TMEM108: variants seen among roughly 807,000 people sequenced by gnomAD.
The protein encoded by TMEM108 is transmembrane protein 108, also known as cancer/testis antigen 124.
Under a neutral mutation model 35.1 loss-of-function variants are expected in TMEM108, and 12 were observed. The ratio of observed to expected loss-of-function variants is 0.34; its 90% CI spans 0.22 to 0.55. The LOEUF is 0.55. TMEM108 is among the 20% of genes least tolerant of loss of function. The probability of loss-of-function intolerance (pLI) is 0.89; values close to 1 mark genes in which losing one functional copy is unlikely to be tolerated. For synonymous variants in TMEM108, 287 were observed against 308.6 expected (o/e 0.93, Z 0.73); for missense variants, 680 against 753.3 (o/e 0.90, Z 1.14).
At chr3:133,213,482 T>C (rs1324255773) in intron 2 of TMEM108, among the ~76,000 whole-genome samples, 2 of 152,194 alleles carry the variant, frequency 1.3e-5, no homozygotes, top group South Asian at 4.1e-4. Flanking sequence ...TTATTGTGGG[T>C]TGATCAGGAG....
chr3:133,096,531 GCTTT>G (rs1386930621), intron 2 of TMEM108, among the ~76,000 whole-genome samples: 2 of 152,122 alleles, frequency 1.3e-5, no homozygotes, highest in Admixed American at 6.5e-5. Flanking sequence ...ATCAGCACAG[GCTTT>G]CTTGTCTCTT....
At chr3:133,340,336 A>C (rs2071623020) in intron 3 of TMEM108, among the ~76,000 whole-genome samples, 1 of 151,876 alleles carries the variant, frequency 6.6e-6, no homozygotes, top group African/African-American at 2.4e-5. Flanking sequence ...AAAATCTAGA[A>C]GAAATAGACA....
intron 2 of TMEM108, among the ~76,000 whole-genome samples, chr3:133,073,510 C>CTCTCTCTCTATATATA: frequency 3.3e-3 from 144 of 43,868 alleles, no homozygotes; most frequent in Admixed American, 7.0e-3. Context: ...CTCTCTCTCT[C>CTCTCTCTCTATATATA]TATATATATA....
intron 3 of TMEM108, among the ~76,000 whole-genome samples, chr3:133,302,570 C>T (rs560022191): frequency 3.1e-4 from 47 of 151,660 alleles, no homozygotes; most frequent in East Asian, 1.9e-3. Flanking sequence ...TACAGGCACC[C>T]GCCACCATGC....
intron 3 of TMEM108, among the ~76,000 whole-genome samples, chr3:133,269,127 C>T (rs1002106736): frequency 1.3e-5 from 2 of 152,184 alleles, no homozygotes; most frequent in African/African-American, 4.8e-5. Context: ...GTTTTTCCCC[C>T]TCCATTCTTC....
chr3:133,306,903 G>C (rs1268536263), intron 3 of TMEM108, among the ~76,000 whole-genome samples: 1 of 151,904 alleles, frequency 6.6e-6, no homozygotes, highest in Non-Finnish European at 1.5e-5. Context: ...GAAATCGCTG[G>C]GTCAAATGGT....
chr3:133,076,248 G>A (rs1943741429), intron 2 of TMEM108, among the ~76,000 whole-genome samples: 2 of 150,648 alleles, frequency 1.3e-5, no homozygotes, highest in Non-Finnish European at 2.9e-5. Context: ...AAAGTAGGTC[G>A]TGACCCTAAT....
intron 2 of TMEM108, among the ~76,000 whole-genome samples, chr3:133,166,534 T>G (rs1945040570): frequency 6.6e-6 from 1 of 152,196 alleles, no homozygotes; most frequent in Non-Finnish European, 1.5e-5. Context: ...AGTTTCTTCC[T>G]TCTGGTGGGT....
At chr3:133,381,979 A>G (rs1033769172) in intron 4 of TMEM108, among the ~76,000 whole-genome samples, 3 of 152,168 alleles carry the variant, frequency 2.0e-5, no homozygotes, top group African/African-American at 7.2e-5. Flanking sequence ...CACTCTGTGA[A>G]TGAGGAGTCA....
intron 3 of TMEM108, among the ~76,000 whole-genome samples, chr3:133,297,034 G>T (rs1228313728): frequency 1.3e-5 from 2 of 152,192 alleles, no homozygotes; most frequent in Non-Finnish European, 2.9e-5. Flanking sequence ...TAAATTCTCA[G>T]ATCCTCTTGG....
rs56983894 is a variant in TMEM108 at position 133,057,435 on chromosome 3, G to GTATATATA, written c.-47+11459_-47+11466dup. Among the ~76,000 whole-genome samples, 43 of 45,704 alleles carry GTATATATA rather than the reference G, an allele frequency of 9.4e-4. 1 individual carries two copies. Among genetic ancestry groups the GTATATATA allele is most frequent in the African/African-American group, 1.3e-3 (19 of 14,230 alleles). The allele number at this position is 45,704 out of a possible 152,430, so 30.0% of individuals were successfully genotyped here. Reference sequence around the variant, plus strand: ...TGGGCTATTAGTTGTGTGTGTGTGTGTATATATATATATATATATATATAT... The same window carrying GTATATATA: ...TGGGCTATTAGTTGTGTGTGTGTGTGTATATATATATATATATATATATATATATATAT... On this transcript the variant is annotated intron_variant, in intron 2 of 5. Transcript: ENST00000321871.
intron 3 of TMEM108, among the ~76,000 whole-genome samples, chr3:133,323,273 A>T (rs1157914804): frequency 6.6e-6 from 1 of 152,132 alleles, no homozygotes; most frequent in African/African-American, 2.4e-5. Flanking sequence ...GATTCATCCA[A>T]AAACCCTGAA....
chr3:133,309,761 C>T (rs1255763027), intron 3 of TMEM108, among the ~76,000 whole-genome samples: 4 of 120,544 alleles, frequency 3.3e-5, no homozygotes, highest in Admixed American at 2.2e-4. Flanking sequence ...AGTGCAGTGG[C>T]GGGATCTCGG....
intron 2 of TMEM108, among the ~76,000 whole-genome samples, chr3:133,066,108 T>C (rs1197767294): frequency 6.6e-6 from 1 of 152,168 alleles, no homozygotes; most frequent in Non-Finnish European, 1.5e-5. Flanking sequence ...CATTCCTTAT[T>C]AGATTCCCAT....
chr3:133,271,211 G>A (rs1285330997), intron 3 of TMEM108, among the ~76,000 whole-genome samples: 8 of 152,180 alleles, frequency 5.3e-5, no homozygotes, highest in African/African-American at 1.9e-4. Context: ...CTCACTGGTT[G>A]AGAGAGGAGG....
intron 3 of TMEM108, among the ~76,000 whole-genome samples, chr3:133,254,154 A>G (rs1429237683): frequency 6.6e-6 from 1 of 152,232 alleles, no homozygotes; most frequent in East Asian, 1.9e-4. Flanking sequence ...CTTGGGCAAC[A>G]TAGCAAGATC....
At position 133,219,735 on chromosome 3, in the gene TMEM108, C is replaced by A. The variant is rs543861493; in HGVS notation, c.-46-9531C>A. ...GATTTAGACCTTCTTAAACTTAAGACTTGTGTTATATATAGTCTATCCTGG... is the reference window on the plus strand; with the variant it reads ...GATTTAGACCTTCTTAAACTTAAGAATTGTGTTATATATAGTCTATCCTGG... On this transcript the variant is annotated intron_variant, in intron 2 of 5. Transcript: ENST00000321871. Among the ~76,000 whole-genome samples, 14 of 152,108 alleles carry A rather than the reference C, an allele frequency of 9.2e-5. No homozygotes were observed. In the East Asian group the frequency reaches 2.7e-3, roughly 29 times the overall value.
intron 2 of TMEM108, among the ~76,000 whole-genome samples, chr3:133,178,106 G>A (rs1945266765): frequency 6.6e-6 from 1 of 152,166 alleles, no homozygotes; most frequent in Admixed American, 6.5e-5. Flanking sequence ...CACCTTCCAA[G>A]GGATGTGAAG....
chr3:133,264,319 A>G (rs999616706), intron 3 of TMEM108, among the ~76,000 whole-genome samples: 5 of 151,916 alleles, frequency 3.3e-5, no homozygotes, highest in Non-Finnish European at 7.4e-5. Flanking sequence ...AAAAAAATTC[A>G]CCCGAAGAAA....
Sources: allele counts gnomAD v4.1 joint callset (sites outside exome capture counted in the v4.1 genomes callset), GRCh38; gene constraint gnomAD v4.1.1; transcripts MANE v1.5; gene names NCBI Gene and HGNC (gene_info 2026-07-23, HGNC 2026-07-21).